Variants in CEMP1 observed in about 807,000 individuals in gnomAD.
The protein encoded by CEMP1 is cementoblastoma-derived protein 1.
For synonymous variants in CEMP1, 161 were observed against 128.6 expected (o/e 1.25, Z -1.71); for missense variants, 387 against 316.9 (o/e 1.22, Z -1.68).
At position 2,530,718 on chromosome 16, in the gene CEMP1, C is replaced by G. The variant is rs2066080372; in HGVS notation, c.356G>C (p.Cys119Ser). 6.2e-7 allele frequency: 1 copy of G among 1,613,882 alleles called. No homozygotes were observed. The highest frequency in any genetic ancestry group is 1.7e-5 in the Admixed American group (1 of 60,014). ...CTGGGCCCCACCTGTTGGAAGGGAA[C>G]AGCCAGGGAAGAACCACCTGCCTGG... ...PCPGRWFFPG[C>S]SLPTGGAQTI... Residue 119 changes from cysteine to serine, a missense_variant, in exon 1 of 1, where the codon TGT becomes TCT. Cys to Ser is a moderately radical substitution (Grantham distance 112). Coordinates refer to ENST00000567119, the MANE Select transcript of CEMP1 (RefSeq NM_001048212.3).
rs2066086704 is a variant in CEMP1, at chr16:2,530,970, G to C, written c.104C>G (p.Pro35Arg). The C allele has an allele frequency of 1.2e-6, 2 of 1,613,506 alleles. No homozygotes were observed. Among genetic ancestry groups the C allele is most frequent in the Non-Finnish European group, 1.7e-6 (2 of 1,179,914 alleles). Residue 35 changes from proline (P) to arginine (R), a missense_variant, in exon 1 of 1, where the codon CCT becomes CGT. By Grantham distance (103) the Pro-to-Arg change is moderately radical. Transcript: ENST00000567119. ...NLTCLSLPGSPGKTAPLPGPA... is the reference protein window; with the variant it reads ...NLTCLSLPGSRGKTAPLPGPA... ...GCCTGGGAGAGGAGCTGTCTTGCCA[G>C]GGCTCCCAGGCAGGGAGAGGCAGGT... is the stretch of plus-strand genomic sequence containing the variant.
In CEMP1 at chr16:2,530,699, CCCA is replaced by C; in HGVS notation, c.372_374del (p.Gly125del). 1 of 1,614,068 alleles carries C rather than the reference CCCA, an allele frequency of 6.2e-7. No homozygotes were observed. ...TCCAAAGAGATAGGATGGTCTGGGC[CCCA>C]CCTGTTGGAAGGGAACAGCCAGGGA... is the stretch of plus-strand genomic sequence containing the variant. On this transcript the variant is annotated inframe_deletion, in exon 1 of 1. Coordinates refer to ENST00000567119, the MANE Select transcript of CEMP1 (RefSeq NM_001048212.3).
Position 2,530,072 on chromosome 16 carries a change from C to G in CEMP1, c.*258G>C. 1.1e-6 allele frequency: 1 copy of G among 913,728 alleles called. No homozygotes were observed. Among genetic ancestry groups the G allele is most frequent in the Non-Finnish European group, 1.6e-6 (1 of 625,686 alleles). 56.6% of individuals were successfully genotyped at this position (913,728 alleles called of 1,614,324 possible). ...TCTGCTCCTGAGTTGGGGTGTGCAG[C>G]GTGGAGCCCACAGCCTGGTTCTGGG... On this transcript the variant is annotated 3_prime_UTR_variant, in exon 1 of 1. Coordinates refer to ENST00000567119, the MANE Select transcript of CEMP1 (RefSeq NM_001048212.3).
rs1293229931 is a variant in CEMP1, at chr16:2,530,178, C to G, written c.*152G>C. ...GGACCCCTGTTTTCTGCTCCCTGGA[C>G]TGCCTAGCCCTGAGTGCCACGGATG... On this transcript the variant is annotated 3_prime_UTR_variant, in exon 1 of 1. Coordinates refer to ENST00000567119, the MANE Select transcript of CEMP1 (RefSeq NM_001048212.3). The G allele has an allele frequency of 1.4e-6, 2 of 1,470,370 alleles. No individual in the cohort carries two copies. The highest frequency in any genetic ancestry group is 1.8e-6 in the Non-Finnish European group (2 of 1,109,750). The allele number at this position is 1,470,370 out of a possible 1,614,324, so 91.1% of individuals were successfully genotyped here.
chr16:2,530,374 C>T lies in CEMP1; in HGVS notation c.700G>A (p.Gly234Ser), dbSNP rs536394645. 49 of 1,614,186 alleles carry T rather than the reference C, an allele frequency of 3.0e-5. No individual in the cohort carries two copies. In the Admixed American group the frequency reaches 6.2e-4, roughly 20 times the overall value. The change falls in exon 1 of 1, where the codon GGC becomes AGC. Residue 234 changes from glycine (G) to serine (S), a missense_variant. Gly to Ser is a moderately conservative substitution (Grantham distance 56). Transcript: ENST00000567119. The part of the protein sequence containing the change: ...ARVCHMGVCQ[G>S]QGDTEDGRMT... ...CTGCCATCTTCTGTGTCCCCTTGGC[C>T]CTGGCACACACCCATGTGGCAAACA... is the stretch of plus-strand genomic sequence containing the variant.
Position 2,530,151 on chromosome 16 carries a change from C to T in CEMP1, c.*179G>A, listed in dbSNP as rs1368734856. Reference sequence around the variant, plus strand: ...TGACCTCCAGGAGGGAGACTGGGCCCGGGACCCCTGTTTTCTGCTCCCTGG... The same window carrying T: ...TGACCTCCAGGAGGGAGACTGGGCCTGGGACCCCTGTTTTCTGCTCCCTGG... On this transcript the variant is annotated 3_prime_UTR_variant, in exon 1 of 1. Coordinates refer to ENST00000567119, the MANE Select transcript of CEMP1 (RefSeq NM_001048212.3). 1.9e-5 allele frequency: 27 copies of T among 1,424,080 alleles called. No homozygotes were observed. Among genetic ancestry groups the T allele is most frequent in the Admixed American group, 1.0e-4 (4 of 39,390 alleles). 88.2% of individuals were successfully genotyped at this position (1,424,080 alleles called of 1,614,324 possible).
rs1301077693 is a variant in CEMP1 at position 2,530,294 on chromosome 16, C to T, written c.*36G>A. On this transcript the variant is annotated 3_prime_UTR_variant, in exon 1 of 1. Transcript: ENST00000567119. ...CCGGCTGTGGTGACCCTGCCTGGTG[C>T]TGGAGGGCAGTATGGGAGGCACCAG... The T allele has an allele frequency of 1.2e-6, 2 of 1,613,834 alleles. No individual in the cohort carries two copies. Among genetic ancestry groups the T allele is most frequent in the East Asian group, 2.2e-5 (1 of 44,882 alleles).
At position 2,530,954 on chromosome 16, in the gene CEMP1, A is replaced by G. The variant is rs1424353178; in HGVS notation, c.120T>C (p.Pro40=). 2.5e-6 allele frequency: 4 copies of G among 1,613,260 alleles called. No individual in the cohort carries two copies. Among genetic ancestry groups the G allele is most frequent in the South Asian group, 1.1e-5 (1 of 91,072 alleles). The change falls in exon 1 of 1, where the codon CCT becomes CCC. Residue 40 remains proline, a synonymous_variant. Transcript: ENST00000567119. ...SLPGSPGKTA[P]LPGPAQAGAG... The stretch of plus-strand genomic sequence containing the variant: ...CGCCTGCCTGTGCTGGGCCTGGGAG[A>G]GGAGCTGTCTTGCCAGGGCTCCCAG...
Position 2,530,317 on chromosome 16 carries a change from C to G in CEMP1, c.*13G>C, listed in dbSNP as rs1261843099. ...TGCTGGAGGGCAGTATGGGAGGCAC[C>G]AGTGTGCCCTGCTCACCCCATTAGT... On this transcript the variant is annotated 3_prime_UTR_variant, in exon 1 of 1. Coordinates refer to ENST00000567119, the MANE Select transcript of CEMP1 (RefSeq NM_001048212.3). 1.2e-6 allele frequency: 2 copies of G among 1,614,078 alleles called. No homozygotes were observed. Among genetic ancestry groups the G allele is most frequent in the Non-Finnish European group, 1.7e-6 (2 of 1,179,998 alleles).
rs200124887 is a variant in CEMP1 at position 2,530,716 on chromosome 16, A to G, written c.358T>C (p.Ser120Pro). 4 of 1,614,014 alleles carry G rather than the reference A, an allele frequency of 2.5e-6. No individual in the cohort carries two copies. In the African/African-American group the frequency reaches 5.3e-5, roughly 22 times the overall value. ...CPGRWFFPGCSLPTGGAQTIL... is the reference protein window; with the variant it reads ...CPGRWFFPGCPLPTGGAQTIL... ...GTCTGGGCCCCACCTGTTGGAAGGG[A>G]ACAGCCAGGGAAGAACCACCTGCCT... Residue 120 changes from serine (S) to proline (P), a missense_variant, in exon 1 of 1, where the codon TCC becomes CCC. Coordinates refer to ENST00000567119, the MANE Select transcript of CEMP1 (RefSeq NM_001048212.3).
Position 2,531,207 on chromosome 16 carries a change from G to GACCCTCCA in CEMP1, c.-135_-134insTGGAGGGT. 8.2e-7 allele frequency: 1 copy of GACCCTCCA among 1,212,284 alleles called. No homozygotes were observed. Among genetic ancestry groups the GACCCTCCA allele is most frequent in the Non-Finnish European group, 1.1e-6 (1 of 877,740 alleles). 75.1% of individuals were successfully genotyped at this position (1,212,284 alleles called of 1,614,324 possible). A position where few individuals can be genotyped will look rare whatever the true frequency, so the allele number is the denominator to read the frequency against. ...TCACCGGCCAGCGCCCCACCTCCCT[G>GACCCTCCA]GCTGGAGGGTCGGGGAGGGGCTGGC... On this transcript the variant is annotated 5_prime_UTR_variant, in exon 1 of 1. Transcript: ENST00000567119.
In CEMP1 at chr16:2,530,316, C is replaced by T. The variant is rs778731311; in HGVS notation, c.*14G>A. 6.2e-7 allele frequency: 1 copy of T among 1,614,094 alleles called. No individual in the cohort carries two copies. Among genetic ancestry groups the T allele is most frequent in the Non-Finnish European group, 8.5e-7 (1 of 1,180,002 alleles). On this transcript the variant is annotated 3_prime_UTR_variant, in exon 1 of 1. Coordinates refer to ENST00000567119, the MANE Select transcript of CEMP1 (RefSeq NM_001048212.3). ...GTGCTGGAGGGCAGTATGGGAGGCA[C>T]CAGTGTGCCCTGCTCACCCCATTAG... is the stretch of plus-strand genomic sequence containing the variant.
chr16:2,530,477 G>A lies in CEMP1; in HGVS notation c.597C>T (p.Pro199=). ...TCTTGGCTCTGAGGACAGCCACAGTGGGGTCAGACGTCAGGGATTGGTGCA... is the reference window on the plus strand; with the variant it reads ...TCTTGGCTCTGAGGACAGCCACAGTAGGGTCAGACGTCAGGGATTGGTGCA... The part of the protein sequence containing the change: ...VGLHQSLTSD[P]TVAVLRAKRA... The change falls in exon 1 of 1, where the codon CCC becomes CCT. Residue 199 remains proline (P), a synonymous_variant. Coordinates refer to ENST00000567119, the MANE Select transcript of CEMP1 (RefSeq NM_001048212.3). The A allele has an allele frequency of 6.2e-7, 1 of 1,614,152 alleles. No individual in the cohort carries two copies. The highest frequency in any genetic ancestry group is 2.2e-5 in the East Asian group (1 of 44,884).
chr16:2,530,196 C>T lies in CEMP1; in HGVS notation c.*134G>A. 4.7e-6 allele frequency: 7 copies of T among 1,498,918 alleles called. No individual in the cohort carries two copies. The South Asian group carries it at 7.8e-5, about 17-fold the overall frequency. 92.9% of individuals were successfully genotyped at this position (1,498,918 alleles called of 1,614,324 possible). A position where few individuals can be genotyped will look rare whatever the true frequency, so the allele number is the denominator to read the frequency against. On this transcript the variant is annotated 3_prime_UTR_variant, in exon 1 of 1. Coordinates refer to ENST00000567119, the MANE Select transcript of CEMP1 (RefSeq NM_001048212.3). The stretch of plus-strand genomic sequence containing the variant: ...CCCTGGACTGCCTAGCCCTGAGTGC[C>T]ACGGATGACCAGCGTTCTGTTTTCT...
chr16:2,531,104 G>A lies in CEMP1; in HGVS notation c.-31C>T. 6.5e-7 allele frequency: 1 copy of A among 1,546,880 alleles called. No homozygotes were observed. Among genetic ancestry groups the A allele is most frequent in the East Asian group, 2.3e-5 (1 of 44,314 alleles). On this transcript the variant is annotated 5_prime_UTR_variant, in exon 1 of 1. Coordinates refer to ENST00000567119, the MANE Select transcript of CEMP1 (RefSeq NM_001048212.3). ...GCTAAAACCCAGAGCTGGCATGTTG[G>A]TCATCCCCACCTCAGACGGGACGCC...
chr16:2,530,411 G>C lies in CEMP1; in HGVS notation c.663C>G (p.Ser221Arg), dbSNP rs1482340739. The change falls in exon 1 of 1, where the codon AGC (serine) becomes AGG (arginine). Residue 221 changes from serine to arginine, a missense_variant. Transcript: ENST00000567119. ...EAHPPRSCSG[S>R]LTARVCHMGV... ...CCATGTGGCAAACACGGGCCGTGAG[G>C]CTCCCTGAACAGCTTCGAGGCGGGT... The C allele has an allele frequency of 1.2e-6, 2 of 1,614,204 alleles. No individual in the cohort carries two copies. Among genetic ancestry groups the C allele is most frequent in the East Asian group, 2.2e-5 (1 of 44,886 alleles).
Position 2,530,317 on chromosome 16 carries a change from CAGTGTGCCCTGCTCACCCCATT to C in CEMP1, c.735_*12del. On this transcript the variant is annotated stop_lost and 3_prime_UTR_variant, in exon 1 of 1. Transcript: ENST00000567119. Reference sequence around the variant, plus strand: ...TGCTGGAGGGCAGTATGGGAGGCACCAGTGTGCCCTGCTCACCCCATTAGTGTCATCCTGCCATCTTCTGTGT... The same window carrying C: ...TGCTGGAGGGCAGTATGGGAGGCACCAGTGTCATCCTGCCATCTTCTGTGT... 1 of 1,614,078 alleles carries C rather than the reference CAGTGTGCCCTGCTCACCCCATT, an allele frequency of 6.2e-7. No homozygotes were observed. Among genetic ancestry groups the C allele is most frequent in the Non-Finnish European group, 8.5e-7 (1 of 1,179,998 alleles).
In CEMP1 at chr16:2,530,545, A is replaced by C. The variant is rs111278182; in HGVS notation, c.529T>G (p.Ser177Ala). 7.2e-5 allele frequency: 116 copies of C among 1,614,072 alleles called. 8 individuals are homozygous for C. The highest frequency in any genetic ancestry group is 7.1e-4 in the African/African-American group (53 of 74,992). Residue 177 changes from serine (S) to alanine (A), a missense_variant, in exon 1 of 1, where the codon TCA becomes GCA. Transcript: ENST00000567119. ...ATTGTCTTGACTTTCTCTCCATTTG[A>C]GTTCTGGGGTGGGTGGCTCCCTTCC... Reference protein sequence around the residue: ...KGEGSHPPQNSNGEKVKTITP... With the variant: ...KGEGSHPPQNANGEKVKTITP...
rs202055274 is a variant in CEMP1, at chr16:2,530,610, C to G, written c.464G>C (p.Arg155Pro). ...QREENSGRAR[R>P]VPPVPRTAPV... ...TGCTGTCCTGGGCACAGGAGGTACG[C>G]GCCTGGCTCTGCCACTGTTCTCTTC... Residue 155 changes from arginine (R) to proline (P), a missense_variant, in exon 1 of 1, where the codon CGC becomes CCC. Transcript: ENST00000567119. The G allele has an allele frequency of 6.2e-7, 1 of 1,614,186 alleles. No homozygotes were observed. The highest frequency in any genetic ancestry group is 1.7e-5 in the Admixed American group (1 of 60,030).
Sources: gnomAD v4.1 joint callset for allele counts on GRCh38, gnomAD v4.1.1 for gene constraint, MANE v1.5 for transcripts, NCBI Gene and HGNC (gene_info 2026-07-23, HGNC 2026-07-21) for gene names.